The following SGMS2 variants were observed in gnomAD, a reference collection of about 807,000 sequenced individuals.
SGMS2 encodes the protein sphingomyelin synthase 2, also known as phosphatidylcholine:ceramide cholinephosphotransferase 2.
In SGMS2, 21 loss-of-function variants were observed where a neutral mutation model predicts 43.8. The observed-to-expected ratio is 0.48, with a 90% CI of 0.34 to 0.69. SGMS2 has a LOEUF of 0.69. Among genes scored for constraint, SGMS2 ranks in the 30% least tolerant of loss-of-function variants. The pLI, the probability that SGMS2 is intolerant of heterozygous loss-of-function variation, is 0.01. For missense variants in SGMS2, 384 were observed against 443.2 expected (o/e 0.87, Z 1.20); for synonymous variants, 167 against 160.6 (o/e 1.04, Z -0.30).
At chr4:107,909,354 T>G (rs1261744620) in intron 6 of SGMS2, among the ~76,000 whole-genome samples, 1 of 151,992 alleles carries the variant, frequency 6.6e-6, no homozygotes, top group Non-Finnish European at 1.5e-5. Flanking sequence ...CAGGTGATCC[T>G]CCCACCTCGG....
chr4:107,867,351 C>T (rs1397147066), intron 2 of SGMS2: 1 of 152,214 alleles, frequency 6.6e-6, no homozygotes, highest in Non-Finnish European at 1.5e-5. Context: ...TGCCAGTCTT[C>T]CCAGTTGATT....
intron 1 of SGMS2, among the ~76,000 whole-genome samples, chr4:107,851,741 TTTC>T (rs1454787436): frequency 6.6e-6 from 1 of 152,190 alleles, no homozygotes; most frequent in Non-Finnish European, 1.5e-5. Flanking sequence ...TTGAATTAAG[TTTC>T]TTGTTTTATT....
intron 2 of SGMS2, among the ~76,000 whole-genome samples, chr4:107,872,040 A>G (rs1053042651): frequency 6.6e-6 from 1 of 152,206 alleles, no homozygotes; most frequent in East Asian, 1.9e-4. Flanking sequence ...ATAAATAGAA[A>G]AGAACTCAAA....
At chr4:107,844,318 TATCTC>T (rs1039838620) in intron 1 of SGMS2, among the ~76,000 whole-genome samples, 1 of 149,658 alleles carries the variant, frequency 6.7e-6, no homozygotes, top group Non-Finnish European at 1.5e-5. Context: ...AGTGAGACTC[TATCTC>T]AAAAAAAAAA....
chr4:107,897,280 C>A (rs984154364), intron 3 of SGMS2, among the ~76,000 whole-genome samples: 1 of 152,162 alleles, frequency 6.6e-6, no homozygotes, highest in African/African-American at 2.4e-5. Context: ...CATGTGTTTC[C>A]TTAATATGCT....
chr4:107,861,427 A>G (rs892415900), intron 2 of SGMS2, among the ~76,000 whole-genome samples: 1 of 152,232 alleles, frequency 6.6e-6, no homozygotes, highest in African/African-American at 2.4e-5. Flanking sequence ...AACATTTTAC[A>G]GGGCTTCAGG....
rs144087306 is a variant in SGMS2 at position 107,904,843 on chromosome 4, C to G, written c.727+1457C>G. Among the ~76,000 whole-genome samples the G allele has an allele frequency of 7.3e-3, 1,111 of 152,010 alleles. 13 individuals carry two copies. The highest frequency in any genetic ancestry group is 0.025 in the African/African-American group (1,047 of 41,424). On this transcript the variant is annotated intron_variant, in intron 5 of 6. Transcript: ENST00000690982. ...TGCTTTGGTTCTAACTCTAATTTTC[C>G]CAAGGAAAGTTCCATGAGTATGCTA... is the stretch of plus-strand genomic sequence containing the variant.
At chr4:107,860,708 A>G (rs1210690541) in intron 2 of SGMS2, among the ~76,000 whole-genome samples, 1 of 152,096 alleles carries the variant, frequency 6.6e-6, no homozygotes, top group East Asian at 1.9e-4. Context: ...TATTTTTAGT[A>G]GAGATGGGGT....
chr4:107,853,081 C>T (rs535037956), intron 1 of SGMS2, among the ~76,000 whole-genome samples: 27 of 152,228 alleles, frequency 1.8e-4, no homozygotes, highest in South Asian at 1.4e-3. Context: ...ATATGACCTT[C>T]TTGTCATCGC....
At chr4:107,885,621 A>G (rs975100796) in intron 2 of SGMS2, among the ~76,000 whole-genome samples, 1 of 152,212 alleles carries the variant, frequency 6.6e-6, no homozygotes, top group African/African-American at 2.4e-5. Flanking sequence ...TTACTTCTAC[A>G]TCTCTACTTT....
At chr4:107,876,606 C>T (rs1410438429) in intron 2 of SGMS2, among the ~76,000 whole-genome samples, 1 of 152,122 alleles carries the variant, frequency 6.6e-6, no homozygotes, top group Non-Finnish European at 1.5e-5. Flanking sequence ...ATACACTGGT[C>T]TCCATGTGGT....
intron 2 of SGMS2, among the ~76,000 whole-genome samples, chr4:107,882,083 A>C (rs1729401306): frequency 6.6e-6 from 1 of 152,202 alleles, no homozygotes; most frequent in African/African-American, 2.4e-5. Context: ...GAGTGCAGAT[A>C]TCTCTTTGAT....
chr4:107,857,899 C>T (rs778238884), intron 1 of SGMS2, among the ~76,000 whole-genome samples: 41 of 152,186 alleles, frequency 2.7e-4, no homozygotes, highest in Non-Finnish European at 5.0e-4. Flanking sequence ...ACAATACTCC[C>T]GCCGTGCTTT....
intron 2 of SGMS2, chr4:107,873,490 A>G (rs929539835): frequency 1.3e-5 from 2 of 152,106 alleles, no homozygotes; most frequent in Non-Finnish European, 1.5e-5. Context: ...AAAATGAAAA[A>G]CTGACTTAAT....
intron 2 of SGMS2, among the ~76,000 whole-genome samples, chr4:107,885,680 C>G (rs1239537288): frequency 6.6e-6 from 1 of 152,032 alleles, no homozygotes; most frequent in Non-Finnish European, 1.5e-5. Context: ...ACAAAACAGG[C>G]AGGTAATGAC....
chr4:107,889,594 C>T (rs996236171), intron 2 of SGMS2, among the ~76,000 whole-genome samples: 1 of 152,016 alleles, frequency 6.6e-6, no homozygotes, highest in African/African-American at 2.4e-5. Flanking sequence ...ACATTGTGTA[C>T]ACAACATATA....
chr4:107,840,078 T>G (rs1243999923), intron 1 of SGMS2, among the ~76,000 whole-genome samples: 4 of 152,164 alleles, frequency 2.6e-5, no homozygotes, highest in Non-Finnish European at 5.9e-5. Context: ...AACTGAAGAG[T>G]GAAGTATTTC....
intron 2 of SGMS2, among the ~76,000 whole-genome samples, chr4:107,859,961 T>G (rs1467447220): frequency 1.7e-5 from 2 of 120,258 alleles, no homozygotes; most frequent in African/African-American, 7.7e-5. Flanking sequence ...GGATTACTGT[T>G]TTTTTTTTCC....
chr4:107,878,033 A>G (rs1192655149), intron 2 of SGMS2, among the ~76,000 whole-genome samples: 1 of 148,346 alleles, frequency 6.7e-6, no homozygotes, highest in Admixed American at 6.9e-5. Context: ...CTCCTGCCTC[A>G]GCCTCCTGAG....
Sources: gnomAD v4.1 joint callset for allele counts (sites outside exome capture counted in the v4.1 genomes callset) on GRCh38, gnomAD v4.1.1 for gene constraint, MANE v1.5 for transcripts, NCBI Gene and HGNC (gene_info 2026-07-23, HGNC 2026-07-21) for gene names.